The following RALGAPA2 variants were observed in gnomAD, a reference collection of about 807,000 sequenced individuals.
RALGAPA2 encodes the protein ral GTPase-activating protein subunit alpha-2.
A neutral mutation model predicts 230.4 loss-of-function variants in RALGAPA2; 139 were observed. That is an observed-to-expected ratio of 0.60 (90% CI 0.53 to 0.69). The LOEUF (loss-of-function observed/expected upper bound fraction) is 0.69, where lower values mean the gene tolerates loss of function less well. Among genes scored for constraint, RALGAPA2 ranks in the 30% least tolerant of loss-of-function variants. The probability of loss-of-function intolerance (pLI) is 0.00; values close to 1 mark genes in which losing one functional copy is unlikely to be tolerated. For missense variants in RALGAPA2, 2,163 were observed against 2,276.0 expected, an observed-to-expected ratio of 0.95 and a Z score of 1.01; for synonymous variants, 847 against 837.8, an observed-to-expected ratio of 1.01 and a Z score of -0.19.
At chr20:20,480,104 T>C (rs1478248095) in intron 36 of RALGAPA2, among the ~76,000 whole-genome samples, 1 of 152,244 alleles carries the variant, frequency 6.6e-6, no homozygotes, top group Non-Finnish European at 1.5e-5. Flanking sequence ...AAATGATAGA[T>C]GTGTTCTTGG....
At chr20:20,544,587 A>G (rs2063731818) in intron 24 of RALGAPA2, among the ~76,000 whole-genome samples, 1 of 152,222 alleles carries the variant, frequency 6.6e-6, no homozygotes, top group African/African-American at 2.4e-5. Flanking sequence ...TTATTGCAGC[A>G]CTATTTACCA....
At chr20:20,524,956 T>A in intron 28 of RALGAPA2, 58 bp from the exon 29 acceptor site, 3 of 1,481,214 alleles carry the variant, frequency 2.0e-6, no homozygotes, top group Non-Finnish European at 2.8e-6. Context: ...TTTGTAAGCC[T>A]ATGTTAGGAG....
At chr20:20,551,069 T>C (rs1282978802) in intron 23 of RALGAPA2, among the ~76,000 whole-genome samples, 1 of 152,210 alleles carries the variant, frequency 6.6e-6, no homozygotes, top group Admixed American at 6.5e-5. Flanking sequence ...AACAAAGCTT[T>C]ACGGCAATTA....
At chr20:20,673,402 T>C (rs1250175369) in intron 3 of RALGAPA2, among the ~76,000 whole-genome samples, 1 of 151,890 alleles carries the variant, frequency 6.6e-6, no homozygotes, top group Non-Finnish European at 1.5e-5. Flanking sequence ...GTGTGTAATA[T>C]AAAAACTGCT....
At position 20,512,755 on chromosome 20, in the gene RALGAPA2, T is replaced by C; in HGVS notation, c.4614A>G (p.Ser1538=). 7.4e-6 allele frequency: 12 copies of C among 1,613,930 alleles called. No individual in the cohort carries two copies. Among genetic ancestry groups the C allele is most frequent in the Non-Finnish European group, 1.0e-5 (12 of 1,179,782 alleles). The change falls in exon 32 of 40, where the codon TCA becomes TCG. Residue 1538 remains serine, a synonymous_variant. Coordinates refer to ENST00000202677, the MANE Select transcript of RALGAPA2 (RefSeq NM_020343.4). The part of the protein sequence containing the change: ...GHTSPECLLP[S]QLNLNEPSLT... ...GGGAAGGTTCATTTAGATTTAGCTG[T>C]GACGGTAAAAGGCATTCAGGACTTG...
intron 37 of RALGAPA2, among the ~76,000 whole-genome samples, chr20:20,427,428 A>C (rs561575084): frequency 5.9e-5 from 9 of 152,032 alleles, no homozygotes; most frequent in African/African-American, 2.2e-4. Flanking sequence ...TCTGCAGCAC[A>C]GCACATCAGC....
At chr20:20,458,735 C>CA (rs2061203590) in intron 37 of RALGAPA2, among the ~76,000 whole-genome samples, 1 of 23,922 alleles carries the variant, frequency 4.2e-5, no homozygotes, top group African/African-American at 1.7e-4. Flanking sequence ...TATACACACA[C>CA]CTATATATAT....
rs2122580847 is a variant in RALGAPA2 at position 20,392,997 on chromosome 20, G to A, written c.*292C>T. ...TTGGTGACTTTTTCTTTTCTTCTTT[G>A]GAAGTCCAAGGTTTGTGAGGTTTCA... On this transcript the variant is annotated 3_prime_UTR_variant, in exon 40 of 40. Transcript: ENST00000202677. 1 of 1,114,020 alleles carries A rather than the reference G, an allele frequency of 9.0e-7. No individual in the cohort carries two copies. Among genetic ancestry groups the A allele is most frequent in the Middle Eastern group, 2.5e-4 (1 of 4,004 alleles). 69.0% of individuals were successfully genotyped at this position (1,114,020 alleles called of 1,614,324 possible). A position where few individuals can be genotyped will look rare whatever the true frequency, so the allele number is the denominator to read the frequency against.
chr20:20,670,731 T>C lies in RALGAPA2; in HGVS notation c.270+5505A>G, dbSNP rs542168376. Among the ~76,000 whole-genome samples, 46 of 151,704 alleles carry C rather than the reference T, an allele frequency of 3.0e-4. 2 individuals carry two copies. Among genetic ancestry groups the C allele is most frequent in the Admixed American group, 3.0e-3 (45 of 15,254 alleles). ...GTGAGGCCGAGGCACATGGATCACC[T>C]GAGGTCAGGAGTTCAAGACCAGCCT... On this transcript the variant is annotated intron_variant, in intron 3 of 39. Transcript: ENST00000202677.
intron 37 of RALGAPA2, among the ~76,000 whole-genome samples, chr20:20,448,953 T>A (rs2060927253): frequency 6.6e-6 from 1 of 151,738 alleles, no homozygotes; most frequent in African/African-American, 2.4e-5. Context: ...GCACCTCCCA[T>A]GGCGGGTTTT....
intron 20 of RALGAPA2, among the ~76,000 whole-genome samples, chr20:20,579,043 A>C (rs906699726): frequency 6.6e-6 from 1 of 152,226 alleles, no homozygotes; most frequent in Non-Finnish European, 1.5e-5. Context: ...CTGACAAAGC[A>C]TTCTTGGAAA....
intron 27 of RALGAPA2, among the ~76,000 whole-genome samples, chr20:20,530,712 T>C (rs917582760): frequency 1.3e-5 from 2 of 152,218 alleles, no homozygotes; most frequent in Non-Finnish European, 2.9e-5. Context: ...TGAATGCTGG[T>C]GTTAGGTGGA....
chr20:20,582,097 T>C (rs569623560), intron 20 of RALGAPA2, among the ~76,000 whole-genome samples: 11 of 152,138 alleles, frequency 7.2e-5, no homozygotes, highest in African/African-American at 2.7e-4. Flanking sequence ...CTCCCCGTTC[T>C]CATCAGCCTG....
At chr20:20,476,049 A>G (rs2061643762) in intron 36 of RALGAPA2, among the ~76,000 whole-genome samples, 1 of 152,218 alleles carries the variant, frequency 6.6e-6, no homozygotes, top group South Asian at 2.1e-4. Context: ...ATTGAAAACT[A>G]CCAAACAGTG....
chr20:20,475,626 A>T (rs2061633200), intron 36 of RALGAPA2, among the ~76,000 whole-genome samples: 1 of 152,150 alleles, frequency 6.6e-6, no homozygotes, highest in Non-Finnish European at 1.5e-5. Flanking sequence ...AGGGGGAAAA[A>T]GGTGTCATAA....
Position 20,584,871 on chromosome 20 carries a change from G to A in RALGAPA2, c.2524C>T (p.Gln842Ter). The A allele has an allele frequency of 4.4e-6, 7 of 1,605,590 alleles. No homozygotes were observed. Among genetic ancestry groups the A allele is most frequent in the Non-Finnish European group, 6.0e-6 (7 of 1,173,338 alleles). The change falls in exon 19 of 40, where the codon CAG (glutamine) becomes TAG (stop). Residue 842 changes from glutamine (Q) to a stop codon, truncating the protein, a stop_gained. Coordinates refer to ENST00000202677, the MANE Select transcript of RALGAPA2 (RefSeq NM_020343.4). LOFTEE classifies it high-confidence loss of function. ...QQTQGKCRER[Q>*]KSESTNSDTT... ...GACATTTCCCGGAACTTACTCTTCT[G>A]TCTTTCCCTACATTTTCCTTGTGTC...
At position 20,591,291 on chromosome 20, in the gene RALGAPA2, C is replaced by T. The variant is rs911361062; in HGVS notation, c.2227G>A (p.Glu743Lys). 3.7e-6 allele frequency: 6 copies of T among 1,613,890 alleles called. No homozygotes were observed. The highest frequency in any genetic ancestry group is 5.1e-6 in the Non-Finnish European group (6 of 1,179,812). ...CCAGATCCGGCTGCAGGTGCATTTT[C>T]TGACTGTTGACACTCCTCCACTTCT... ...ATEVEECQQS[E>K]NAPAAGSGHL... Residue 743 changes from glutamate to lysine, a missense_variant, in exon 17 of 40, where the codon GAA (glutamate) becomes AAA (lysine). Glu to Lys is a moderately conservative substitution (Grantham distance 56). Coordinates refer to ENST00000202677, the MANE Select transcript of RALGAPA2 (RefSeq NM_020343.4).
chr20:20,453,525 C>T (rs1441683969), intron 37 of RALGAPA2, among the ~76,000 whole-genome samples: 26 of 152,168 alleles, frequency 1.7e-4, no homozygotes, highest in Non-Finnish European at 1.5e-5. Flanking sequence ...TCCAGGTTTA[C>T]CAAAGGCTCT....
chr20:20,493,412 C>T (rs2062115948), intron 36 of RALGAPA2, among the ~76,000 whole-genome samples: 1 of 152,024 alleles, frequency 6.6e-6, no homozygotes, highest in South Asian at 2.1e-4. Flanking sequence ...GAATTTATAG[C>T]CAAATTCATT....
Sources: allele counts gnomAD v4.1 joint callset (sites outside exome capture counted in the v4.1 genomes callset), GRCh38; gene constraint gnomAD v4.1.1; transcripts MANE v1.5; gene names NCBI Gene and HGNC (gene_info 2026-07-23, HGNC 2026-07-21).